Variants in RAP1A observed in about 807,000 individuals in gnomAD.
RAP1A encodes ras-related protein Rap-1A.
Under a neutral mutation model 26.4 loss-of-function variants are expected in RAP1A, and 6 were observed. The observed-to-expected ratio is 0.23, with a 90% CI of 0.12 to 0.45. RAP1A has a LOEUF of 0.45. Ranked by LOEUF, RAP1A falls within the 20% of genes least tolerant of loss-of-function variation. The pLI, the probability that RAP1A is intolerant of heterozygous loss-of-function variation, is 0.99. For missense variants in RAP1A, 121 were observed against 217.2 expected (o/e 0.56, Z 2.78); for synonymous variants, 73 against 79.4 (o/e 0.92, Z 0.43).
chr1:111,710,272 A>G (rs998218521), intron 7 of RAP1A, among the ~76,000 whole-genome samples: 3 of 152,186 alleles, frequency 2.0e-5, no homozygotes, highest in African/African-American at 7.2e-5. Context: ...GCTTCTAAGT[A>G]TTAGTTGACT....
At chr1:111,559,216 T>C (rs543278261) in intron 1 of RAP1A, among the ~76,000 whole-genome samples, 2 of 152,274 alleles carry the variant, frequency 1.3e-5, no homozygotes, top group Non-Finnish European at 2.9e-5. Context: ...CTTAATTGCC[T>C]ATATGAGCAA....
rs1299351753 is a variant in RAP1A at position 111,651,495 on chromosome 1, TA to T, written c.-28+31562del. 4.1e-5 allele frequency among the ~76,000 whole-genome samples: 6 copies of T among 146,554 alleles called. No homozygotes were observed. The East Asian group carries it at 1.2e-3, about 29-fold the overall frequency. ...ATAATTTTTTTTTTTTTTTTTTTTT[TA>T]GACAGAGTCTCGCTCTGTTACCCAG... On this transcript the variant is annotated intron_variant, in intron 1 of 7. Transcript: ENST00000369709.
intron 1 of RAP1A, among the ~76,000 whole-genome samples, chr1:111,592,793 C>T (rs1220878945): frequency 1.3e-5 from 2 of 152,210 alleles, no homozygotes; most frequent in African/African-American, 2.4e-5. Flanking sequence ...TTTTCCACAG[C>T]AGCTTTTGGA....
chr1:111,668,570 A>C (rs1369679597), intron 1 of RAP1A, among the ~76,000 whole-genome samples: 1 of 152,194 alleles, frequency 6.6e-6, no homozygotes, highest in African/African-American at 2.4e-5. Flanking sequence ...TGGGGATGTA[A>C]CTTGACCAAG....
intron 1 of RAP1A, among the ~76,000 whole-genome samples, chr1:111,567,523 C>G (rs546390076): frequency 4.6e-5 from 7 of 152,108 alleles, no homozygotes; most frequent in East Asian, 1.9e-4. Flanking sequence ...CTGTGTCCCC[C>G]CAAAATTCAT....
intron 1 of RAP1A, among the ~76,000 whole-genome samples, chr1:111,605,279 G>A (rs569051093): frequency 1.4e-4 from 21 of 152,250 alleles, no homozygotes; most frequent in Middle Eastern, 3.4e-3. Context: ...CCAAATAAAC[G>A]TACATATGTT....
At chr1:111,623,697 ATTG>A (rs1557869342) in intron 1 of RAP1A, among the ~76,000 whole-genome samples, 1 of 152,142 alleles carries the variant, frequency 6.6e-6, no homozygotes, top group Non-Finnish European at 1.5e-5. Flanking sequence ...GGCTGAGACT[ATTG>A]TTTTTGTTAA....
chr1:111,587,538 A>G (rs982681349), intron 1 of RAP1A, among the ~76,000 whole-genome samples: 4 of 152,118 alleles, frequency 2.6e-5, no homozygotes, highest in East Asian at 3.9e-4. Flanking sequence ...CTTTACTCCA[A>G]GCTTCCCCTC....
rs1660425254 is a variant in RAP1A, at chr1:111,655,477, T to TA, written c.-28+35545dup. On this transcript the variant is annotated intron_variant, in intron 1 of 7. Coordinates refer to ENST00000369709, the MANE Select transcript of RAP1A (RefSeq NM_002884.4). ...ATGACTGATAAATATTTGAAAACTT[T>TA]AACCTCACTAATCGGAGAAACTTAG... Among the ~76,000 whole-genome samples, 3 of 152,130 alleles carry TA rather than the reference T, an allele frequency of 2.0e-5. No individual in the cohort carries two copies. The South Asian group carries it at 6.2e-4, about 32-fold the overall frequency.
intron 1 of RAP1A, among the ~76,000 whole-genome samples, chr1:111,688,323 C>CTTTT (rs755186287): frequency 9.2e-6 from 1 of 108,916 alleles, no homozygotes; most frequent in Non-Finnish European, 1.8e-5. Context: ...TTCTTTCTTT[C>CTTTT]TTTTTTTTTT....
intron 1 of RAP1A, among the ~76,000 whole-genome samples, chr1:111,622,178 A>G (rs1346352007): frequency 6.6e-6 from 1 of 152,150 alleles, no homozygotes; most frequent in Non-Finnish European, 1.5e-5. Flanking sequence ...CTCCACCCCA[A>G]GTTGATTTCC....
chr1:111,608,067 G>C (rs1187056438), intron 1 of RAP1A: 1 of 158,606 alleles, frequency 6.3e-6, no homozygotes, highest in Non-Finnish European at 1.4e-5. Flanking sequence ...TCCCGGACGG[G>C]GTGGTTGCTG....
intron 1 of RAP1A, among the ~76,000 whole-genome samples, chr1:111,686,015 A>G (rs1453926063): frequency 6.6e-6 from 1 of 152,090 alleles, no homozygotes; most frequent in Non-Finnish European, 1.5e-5. Flanking sequence ...TCAGCAAACT[A>G]ACACAGGAAC....
At chr1:111,655,916 T>G (rs1660442749) in intron 1 of RAP1A, among the ~76,000 whole-genome samples, 1 of 151,938 alleles carries the variant, frequency 6.6e-6, no homozygotes, top group Admixed American at 6.6e-5. Context: ...GGTCTCGATC[T>G]CCTGACCTTG....
chr1:111,587,398 C>T (rs1197128444), intron 1 of RAP1A, among the ~76,000 whole-genome samples: 2 of 152,108 alleles, frequency 1.3e-5, no homozygotes, highest in South Asian at 2.1e-4. Context: ...CACCTAAAAA[C>T]TCTCAGTCTA....
intron 7 of RAP1A, among the ~76,000 whole-genome samples, chr1:111,711,713 G>T (rs561688171): frequency 6.6e-6 from 1 of 152,204 alleles, no homozygotes; most frequent in African/African-American, 2.4e-5. Context: ...GATTTAAATA[G>T]AAATTATAAA....
intron 1 of RAP1A, among the ~76,000 whole-genome samples, chr1:111,570,101 T>G (rs1658016928): frequency 1.3e-5 from 2 of 152,114 alleles, no homozygotes; most frequent in South Asian, 4.1e-4. Context: ...CATTTTGGCA[T>G]GAGATCTCAA....
At chr1:111,704,751 A>G (rs1662132580) in intron 6 of RAP1A, among the ~76,000 whole-genome samples, 1 of 152,238 alleles carries the variant, frequency 6.6e-6, no homozygotes, top group African/African-American at 2.4e-5. Flanking sequence ...TAAGCCTCTA[A>G]GTGATATGCG....
intron 1 of RAP1A, among the ~76,000 whole-genome samples, chr1:111,559,957 GT>G (rs1242333569): frequency 6.6e-6 from 1 of 152,172 alleles, no homozygotes; most frequent in African/African-American, 2.4e-5. Flanking sequence ...GCACTTATCA[GT>G]TGTCCTGTCC....
Sources: allele counts gnomAD v4.1 joint callset (sites outside exome capture counted in the v4.1 genomes callset), GRCh38; gene constraint gnomAD v4.1.1; transcripts MANE v1.5; gene names NCBI Gene and HGNC (gene_info 2026-07-23, HGNC 2026-07-21).